PLPP3: variants seen among roughly 807,000 people sequenced by gnomAD.
The protein encoded by PLPP3 is phospholipid phosphatase 3.
A neutral mutation model predicts 29.6 loss-of-function variants in PLPP3; 6 were observed. The ratio of observed to expected loss-of-function variants is 0.20; its 90% CI spans 0.11 to 0.40. PLPP3 has a LOEUF of 0.40. Ranked by LOEUF, PLPP3 falls within the 10% of genes least tolerant of loss-of-function variation. PLPP3 has a pLI of 1.00. For synonymous variants in PLPP3, 152 were observed against 159.7 expected (o/e 0.95, Z 0.36); for missense variants, 308 against 407.7 (o/e 0.76, Z 2.11).
At chr1:56,517,068 C>T (rs534743112) in intron 4 of PLPP3, 1 of 152,332 alleles carries the variant, frequency 6.6e-6, no homozygotes, top group Admixed American at 6.5e-5. Context: ...ATTTGTGTTT[C>T]ATTACATGAT....
intron 1 of PLPP3, among the ~76,000 whole-genome samples, chr1:56,545,916 C>A (rs575741602): frequency 2.8e-4 from 42 of 152,082 alleles, no homozygotes; most frequent in Non-Finnish European, 4.4e-4. Context: ...TATGGGAGGC[C>A]CTGCAAGAAC....
At chr1:56,571,768 T>G (rs1409340237) in intron 1 of PLPP3, among the ~76,000 whole-genome samples, 4 of 151,092 alleles carry the variant, frequency 2.6e-5, no homozygotes, top group Non-Finnish European at 5.9e-5. Flanking sequence ...ATTGCATTAA[T>G]TGCAATCAAT....
At chr1:56,530,883 T>C (rs569672935) in intron 2 of PLPP3, among the ~76,000 whole-genome samples, 3 of 152,254 alleles carry the variant, frequency 2.0e-5, no homozygotes, top group Admixed American at 6.5e-5. Context: ...TGTTTTGAAG[T>C]CTCTAAAATG....
Position 56,579,470 on chromosome 1 carries a change from C to CTCG in PLPP3, c.-455_-454insCGA, listed in dbSNP as rs1646262491. On this transcript the variant is annotated 5_prime_UTR_variant, in exon 1 of 6. Transcript: ENST00000371250. ...CCAGCCCCAACTCTAACTTTGCCTC[C>CTCG]TCCTCCTCCTCCTCCTCCGGCTCCT... is the stretch of plus-strand genomic sequence containing the variant. 5.6e-6 allele frequency: 1 copy of CTCG among 178,444 alleles called. No individual in the cohort carries two copies. The highest frequency in any genetic ancestry group is 2.4e-5 in the African/African-American group (1 of 41,122). 11.1% of individuals were successfully genotyped at this position (178,444 alleles called of 1,614,324 possible).
At chr1:56,499,473 G>A (rs1174872351) in intron 5 of PLPP3, among the ~76,000 whole-genome samples, 1 of 152,076 alleles carries the variant, frequency 6.6e-6, no homozygotes, top group Non-Finnish European at 1.5e-5. Flanking sequence ...TACACAATAA[G>A]GGCTTAATAA....
At chr1:56,573,217 C>CT (rs1186319743) in intron 1 of PLPP3, among the ~76,000 whole-genome samples, 16 of 152,302 alleles carry the variant, frequency 1.1e-4, no homozygotes, top group Non-Finnish European at 2.2e-4. Context: ...CGGTTTACAA[C>CT]CAGAAAATAC....
chr1:56,520,910 CAAAAAAAAAA>C (rs1169318077), intron 4 of PLPP3, among the ~76,000 whole-genome samples: 2 of 61,908 alleles, frequency 3.2e-5, no homozygotes, highest in African/African-American at 1.5e-4. Context: ...GACTCCATCT[CAAAAAAAAAA>C]AAAAAAAAAA....
At chr1:56,541,799 C>T (rs1295078408) in intron 1 of PLPP3, among the ~76,000 whole-genome samples, 2 of 152,126 alleles carry the variant, frequency 1.3e-5, no homozygotes, top group East Asian at 3.9e-4. Context: ...GAAAAAGGCA[C>T]TGTTCAGAAC....
intron 5 of PLPP3, among the ~76,000 whole-genome samples, chr1:56,509,853 A>AAAAAAAAAAT (rs377448398): frequency 7.2e-6 from 1 of 139,268 alleles, no homozygotes; most frequent in Non-Finnish European, 1.5e-5. Flanking sequence ...AAAAAAAAAA[A>AAAAAAAAAAT]GGAAGACAAT....
intron 1 of PLPP3, among the ~76,000 whole-genome samples, chr1:56,572,203 C>A (rs548972324): frequency 6.6e-6 from 1 of 152,108 alleles, no homozygotes; most frequent in South Asian, 2.1e-4. Flanking sequence ...GCACACACCA[C>A]GATGCCCGGC....
intron 4 of PLPP3, among the ~76,000 whole-genome samples, chr1:56,522,867 C>T (rs148259615): frequency 1.2e-4 from 18 of 152,276 alleles, no homozygotes; most frequent in East Asian, 7.7e-4. Flanking sequence ...TTGGCACACA[C>T]GGACCTCATT....
At chr1:56,569,818 C>G (rs1646185991) in intron 1 of PLPP3, among the ~76,000 whole-genome samples, 1 of 152,184 alleles carries the variant, frequency 6.6e-6, no homozygotes, top group Non-Finnish European at 1.5e-5. Context: ...CAGCTACTCA[C>G]TCTTCCCAAA....
At chr1:56,517,032 T>C (rs1274363018) in intron 4 of PLPP3, 2 of 152,222 alleles carry the variant, frequency 1.3e-5, no homozygotes, top group Non-Finnish European at 2.9e-5. Context: ...GATGAGTGTG[T>C]GAGTCACATT....
At chr1:56,572,714 T>C (rs1646207860) in intron 1 of PLPP3, among the ~76,000 whole-genome samples, 1 of 152,180 alleles carries the variant, frequency 6.6e-6, no homozygotes, top group Non-Finnish European at 1.5e-5. Context: ...AAGAGGATTT[T>C]ATAGAACCAT....
chr1:56,529,061 G>C (rs986843783), intron 2 of PLPP3, among the ~76,000 whole-genome samples: 2 of 151,878 alleles, frequency 1.3e-5, no homozygotes, highest in African/African-American at 4.8e-5. Context: ...ACTCTGATCT[G>C]CTTTAATAAT....
rs1357240247 is a variant in PLPP3 at position 56,515,337 on chromosome 1, C to G, written c.634-3185G>C. ...GTAGGTCCTCGGAAAATGCTTGTTA[C>G]GAGTCCTTCAACCATTCCCCCTGCC... is the stretch of plus-strand genomic sequence containing the variant. On this transcript the variant is annotated intron_variant, in intron 4 of 5. Transcript: ENST00000371250. Among the ~76,000 whole-genome samples, 7 of 152,160 alleles carry G rather than the reference C, an allele frequency of 4.6e-5. No homozygotes were observed. In the South Asian group the frequency reaches 1.5e-3, roughly 32 times the overall value.
rs1390388028 is a variant in PLPP3, at chr1:56,524,326, T to G, written c.526A>C (p.Ile176Leu). ...FSQINCSEGY[I>L]QNYRCRGDDS... Reference sequence around the variant, plus strand: ...TCACCTCTGCATCTGTAGTTCTGAATGTAGCCTTCAGAGCAGTTGATCTGG... The same window carrying G: ...TCACCTCTGCATCTGTAGTTCTGAAGGTAGCCTTCAGAGCAGTTGATCTGG... The change falls in exon 3 of 6, where the codon ATT becomes CTT. Residue 176 changes from isoleucine to leucine, a missense_variant. Around this residue, in one of 3 missense-constraint regions of PLPP3, gnomAD observed 232 missense variants for 317.2 expected, o/e 0.73. Transcript: ENST00000371250. This position sits in a 1 kb window ranked among gnomAD's most constrained non-coding sequence, Gnocchi z 4.3. 1 of 1,614,024 alleles carries G rather than the reference T, an allele frequency of 6.2e-7. No homozygotes were observed. Among genetic ancestry groups the G allele is most frequent in the Non-Finnish European group, 8.5e-7 (1 of 1,179,946 alleles).
Position 56,560,571 on chromosome 1 carries a change from G to A in PLPP3, c.139+18307C>T, listed in dbSNP as rs531916553. Among the ~76,000 whole-genome samples the A allele has an allele frequency of 7.5e-4, 114 of 152,158 alleles. 1 individual carries two copies. Among genetic ancestry groups the A allele is most frequent in the Admixed American group, 3.7e-3 (56 of 15,284 alleles). ...TCTCATATGATGGAAGGGCAGAGGG[G>A]CTAAAAAGCTCCCTCAGTCCTGTTT... is the stretch of plus-strand genomic sequence containing the variant. On this transcript the variant is annotated intron_variant, in intron 1 of 5. Coordinates refer to ENST00000371250, the MANE Select transcript of PLPP3 (RefSeq NM_003713.5).
rs770890192 is a variant in PLPP3 at position 56,512,079 on chromosome 1, A to G, written c.707T>C (p.Met236Thr). The G allele has an allele frequency of 1.2e-6, 2 of 1,613,536 alleles. No individual in the cohort carries two copies. The highest frequency in any genetic ancestry group is 1.7e-6 in the Non-Finnish European group (2 of 1,179,768). The change falls in exon 5 of 6, where the codon ATG (methionine) becomes ACG (threonine). Residue 236 changes from methionine to threonine, a missense_variant. Physicochemically the swap from Met to Thr is moderately conservative, Grantham distance 81. Coordinates refer to ENST00000371250, the MANE Select transcript of PLPP3 (RefSeq NM_003713.5). Reference sequence around the variant, plus strand: ...AGACAGTCCCGTGTAGAAGGCCATCATGATCAAGGTGAACTGCAGGAGGGG... The same window carrying G: ...AGACAGTCCCGTGTAGAAGGCCATCGTGATCAAGGTGAACTGCAGGAGGGG... ...LRPLLQFTLIMMAFYTGLSRV... is the reference protein window; with the variant it reads ...LRPLLQFTLITMAFYTGLSRV...
Sources: gnomAD v4.1 joint callset for allele counts (sites outside exome capture counted in the v4.1 genomes callset) on GRCh38, gnomAD v4.1.1 for gene constraint, gnomAD v4.1.1 regional missense constraint, Gnocchi (gnomAD v3.1) non-coding constraint, MANE v1.5 for transcripts, NCBI Gene and HGNC (gene_info 2026-07-23, HGNC 2026-07-21) for gene names.